PTPRD: variants seen among roughly 807,000 people sequenced by gnomAD.
PTPRD encodes the protein receptor-type tyrosine-protein phosphatase delta.
PTPRD carries 34 observed loss-of-function variants against 214.5 expected under a neutral mutation model. That is an observed-to-expected ratio of 0.16 (90% confidence interval 0.12 to 0.21). The LOEUF (loss-of-function observed/expected upper bound fraction) is 0.21, where lower values mean the gene tolerates loss of function less well. PTPRD is among the 10% of genes least tolerant of loss of function. The pLI, the probability that PTPRD is intolerant of heterozygous loss-of-function variation, is 1.00. For missense variants in PTPRD, 2,545 were observed against 2,398.7 expected (o/e 1.06, Z -1.27); for synonymous variants, 1,128 against 845.7 (o/e 1.33, Z -5.79).
At chr9:8,525,113 A>T (rs373124869) in intron 17 of PTPRD, 78 bp from the exon 18 acceptor site, 281 of 1,243,468 alleles carry the variant, frequency 2.3e-4, no homozygotes, top group Admixed American at 3.7e-4. Context: ...ACCTCTTAAC[A>T]ATATGAAAAG....
At chr9:8,820,510 T>C (rs997776480) in intron 11 of PTPRD, among the ~76,000 whole-genome samples, 5 of 152,202 alleles carry the variant, frequency 3.3e-5, no homozygotes, top group African/African-American at 7.2e-5. Flanking sequence ...AAAGTAAGTG[T>C]TTGGTGTTTC....
chr9:9,719,431 G>C (rs1404475243), intron 7 of PTPRD, among the ~76,000 whole-genome samples: 2 of 152,206 alleles, frequency 1.3e-5, no homozygotes, highest in Non-Finnish European at 2.9e-5. Context: ...GGATTGAAGA[G>C]TGGTGAACCT....
At chr9:9,635,219 C>G (rs2095721018) in intron 7 of PTPRD, among the ~76,000 whole-genome samples, 2 of 152,022 alleles carry the variant, frequency 1.3e-5, no homozygotes, top group Non-Finnish European at 2.9e-5. Context: ...TAAAGAAACC[C>G]CCTTATGTCT....
At chr9:9,352,157 A>C (rs916751278) in intron 9 of PTPRD, among the ~76,000 whole-genome samples, 13 of 151,744 alleles carry the variant, frequency 8.6e-5, no homozygotes, top group African/African-American at 3.1e-4. Flanking sequence ...TATCTTTGGA[A>C]CCATTCCCTA....
chr9:8,716,030 C>T (rs892580564), intron 12 of PTPRD, among the ~76,000 whole-genome samples: 1 of 152,240 alleles, frequency 6.6e-6, no homozygotes, highest in Non-Finnish European at 1.5e-5. Flanking sequence ...CTTAACAGGT[C>T]TGTGGCTTCA....
At chr9:10,363,973 T>C (rs531658562) in intron 2 of PTPRD, among the ~76,000 whole-genome samples, 1 of 147,010 alleles carries the variant, frequency 6.8e-6, no homozygotes, top group East Asian at 2.0e-4. Flanking sequence ...ACTATTATTA[T>C]TGCCTCCACA....
At chr9:10,455,763 G>A (rs78441116) in intron 2 of PTPRD, among the ~76,000 whole-genome samples, 6,957 of 151,722 alleles carry the variant, frequency 0.046, 232 homozygotes, top group South Asian at 0.13. Context: ...CAAAATTTCA[G>A]CGATGTAGAT....
intron 8 of PTPRD, among the ~76,000 whole-genome samples, chr9:9,510,063 C>T (rs1202244255): frequency 6.6e-6 from 1 of 151,626 alleles, no homozygotes; most frequent in African/African-American, 2.4e-5. Context: ...TACATCTCAT[C>T]CATGTCTGTT....
chr9:10,203,512 A>G (rs959673273), intron 3 of PTPRD, among the ~76,000 whole-genome samples: 2 of 152,032 alleles, frequency 1.3e-5, no homozygotes, highest in Non-Finnish European at 2.9e-5. Flanking sequence ...AGGCATCTAT[A>G]TTTTAAAAGA....
chr9:10,214,508 T>A (rs953176275), intron 3 of PTPRD, among the ~76,000 whole-genome samples: 10 of 149,740 alleles, frequency 6.7e-5, no homozygotes, highest in Non-Finnish European at 1.0e-4. Context: ...ACTTCTGACC[T>A]CAGATGATCC....
chr9:9,824,597 G>C (rs2052022150), intron 5 of PTPRD, among the ~76,000 whole-genome samples: 1 of 151,976 alleles, frequency 6.6e-6, no homozygotes, highest in Non-Finnish European at 1.5e-5. Flanking sequence ...CACTTTGTGA[G>C]TATGAGACCT....
intron 11 of PTPRD, among the ~76,000 whole-genome samples, chr9:9,006,215 AT>A (rs35997017): frequency 0.94 from 142,042 of 151,862 alleles, 67,061 homozygotes; most frequent in East Asian, 1. Flanking sequence ...ATGTAATGTG[AT>A]TTTTCAACAT....
intron 10 of PTPRD, among the ~76,000 whole-genome samples, chr9:9,047,404 C>T (rs1327636975): frequency 2.0e-5 from 3 of 151,880 alleles, no homozygotes; most frequent in African/African-American, 7.2e-5. Context: ...AAAAATAATC[C>T]TAAAATTTCT....
intron 5 of PTPRD, among the ~76,000 whole-genome samples, chr9:9,908,156 G>C (rs1286110257): frequency 6.6e-6 from 1 of 151,890 alleles, no homozygotes. Flanking sequence ...CAAAGGAAAA[G>C]TCCATGGAGA....
intron 5 of PTPRD, among the ~76,000 whole-genome samples, chr9:9,781,202 A>T (rs1424678519): frequency 1.3e-5 from 2 of 152,198 alleles, no homozygotes; most frequent in Non-Finnish European, 2.9e-5. Context: ...ATAATGCAGC[A>T]ACAGTGGTTC....
rs140712316 is a variant in PTPRD, at chr9:10,112,887, G to C, written c.-544-79097C>G. Among the ~76,000 whole-genome samples, 961 of 152,282 alleles carry C rather than the reference G, an allele frequency of 6.3e-3. 31 individuals carry two copies. Among genetic ancestry groups the C allele is most frequent in the Admixed American group, 0.048 (741 of 15,290 alleles). On this transcript the variant is annotated intron_variant, in intron 3 of 45. Transcript: ENST00000381196. ...ACCTATATGTGACTAGTATAGACCA[G>C]TTCTCTGGTATTTTAGAGCTTGTCT... is the stretch of plus-strand genomic sequence containing the variant.
Position 8,708,612 on chromosome 9 carries a change from G to C in PTPRD, c.64+25168C>G, listed in dbSNP as rs1289027837. On this transcript the variant is annotated intron_variant, in intron 12 of 45. Coordinates refer to ENST00000381196, the MANE Select transcript of PTPRD (RefSeq NM_002839.4). The stretch of plus-strand genomic sequence containing the variant: ...AAGAATCACTTGAACTTGGGAGTCG[G>C]AAGTTGCAGTGAGCCCAGATCGCAC... 2.9e-5 allele frequency among the ~76,000 whole-genome samples: 4 copies of C among 139,338 alleles called. No individual in the cohort carries two copies. In the South Asian group the frequency reaches 7.1e-4, roughly 25 times the overall value. The allele number at this position is 139,338 out of a possible 152,430, so 91.4% of individuals were successfully genotyped here. A position where few individuals can be genotyped will look rare whatever the true frequency, so the allele number is the denominator to read the frequency against.
At chr9:8,729,320 C>G (rs987497306) in intron 12 of PTPRD, among the ~76,000 whole-genome samples, 2 of 151,822 alleles carry the variant, frequency 1.3e-5, no homozygotes, top group Non-Finnish European at 2.9e-5. Context: ...AATTTAATGC[C>G]CGGAAGCAAG....
intron 4 of PTPRD, among the ~76,000 whole-genome samples, chr9:9,967,967 T>C (rs1381660535): frequency 6.6e-6 from 1 of 152,196 alleles, no homozygotes; most frequent in Non-Finnish European, 1.5e-5. Flanking sequence ...TTTTAGAATT[T>C]GATATCCACA....
Sources: gnomAD v4.1 joint callset for allele counts (sites outside exome capture counted in the v4.1 genomes callset) on GRCh38, gnomAD v4.1.1 for gene constraint, MANE v1.5 for transcripts, NCBI Gene and HGNC (gene_info 2026-07-23, HGNC 2026-07-21) for gene names.